Variants in ARID5B observed in about 807,000 individuals in gnomAD.
ARID5B encodes the protein AT-rich interaction domain 5B.
Under a neutral mutation model 97.2 loss-of-function variants are expected in ARID5B, and 13 were observed. That is an observed-to-expected ratio of 0.13 (90% CI 0.09 to 0.21). The LOEUF (loss-of-function observed/expected upper bound fraction) is 0.21. Ranked by LOEUF, ARID5B falls within the 10% of genes least tolerant of loss-of-function variation. The pLI is 1.00. For synonymous variants in ARID5B, 556 were observed against 570.3 expected, an observed-to-expected ratio of 0.97 and a Z score of 0.36; for missense variants, 1,210 against 1,465.3, an observed-to-expected ratio of 0.83 and a Z score of 2.84.
intron 9 of ARID5B, among the ~76,000 whole-genome samples, chr10:62,086,702 A>ACAAC (rs1564648185): frequency 1.6e-4 from 17 of 103,238 alleles, no homozygotes; most frequent in Middle Eastern, 4.9e-3. Flanking sequence ...AAAAAAAAAA[A>ACAAC]AAAAAAAAAA....
rs141836102 is a variant in ARID5B, at chr10:61,955,832, G to A, written c.502+15424G>A. ...CGCCCAGCTAGTTTTTGTATTTTTA[G>A]TAGAGACGGGGTTTCGTCATGCTGG... On this transcript the variant is annotated intron_variant, in intron 3 of 9. Transcript: ENST00000279873. Among the ~76,000 whole-genome samples the A allele has an allele frequency of 9.5e-3, 1,448 of 152,112 alleles. 13 individuals are homozygous for A. The highest frequency in any genetic ancestry group is 0.017 in the Non-Finnish European group (1,134 of 67,978).
Position 62,059,314 on chromosome 10 carries a change from T to G in ARID5B, c.1101+19T>G. The G allele has an allele frequency of 5.6e-6, 9 of 1,606,326 alleles. No homozygotes were observed. Among genetic ancestry groups the G allele is most frequent in the Non-Finnish European group, 7.7e-6 (9 of 1,174,734 alleles). On this transcript the variant is annotated intron_variant, in intron 7 of 9. Transcript: ENST00000279873. ...TGAAACAGTAAGTGTTTAAGCAACT[T>G]AAATGAAATAATTTTGCAATCTAAC...
chr10:62,052,607 C>A (rs190425955), intron 5 of ARID5B, among the ~76,000 whole-genome samples: 1 of 152,196 alleles, frequency 6.6e-6, no homozygotes, highest in East Asian at 1.9e-4. Flanking sequence ...TCTGAAAGAG[C>A]AGACCTCCAA....
In ARID5B at chr10:62,083,021, G is replaced by C. The variant is rs150998377; in HGVS notation, c.1200-2681G>C. 3.1e-3 allele frequency among the ~76,000 whole-genome samples: 471 copies of C among 151,812 alleles called. 3 individuals are homozygous for C. The highest frequency in any genetic ancestry group is 0.011 in the African/African-American group (453 of 41,386). ...TAATTATCTTTCAATGATTTAGAAG[G>C]GGGGGAAAAAACACTCGGTTGACCT... On this transcript the variant is annotated intron_variant, in intron 8 of 9. Coordinates refer to ENST00000279873, the MANE Select transcript of ARID5B (RefSeq NM_032199.3).
chr10:62,076,561 C>CAAAAAAA (rs11363274), intron 8 of ARID5B, among the ~76,000 whole-genome samples: 11 of 92,654 alleles, frequency 1.2e-4, no homozygotes, highest in Non-Finnish European at 2.2e-4. Context: ...GACTCTGTCT[C>CAAAAAAA]AAAAAAAAAA....
intron 2 of ARID5B, among the ~76,000 whole-genome samples, chr10:61,904,371 G>A (rs1317999792): frequency 6.6e-6 from 1 of 152,124 alleles, no homozygotes; most frequent in East Asian, 1.9e-4. Flanking sequence ...ATTAAATGGT[G>A]AATTCTGATT....
At chr10:61,946,526 T>C (rs1443650425) in intron 3 of ARID5B, among the ~76,000 whole-genome samples, 1 of 152,242 alleles carries the variant, frequency 6.6e-6, no homozygotes, top group Non-Finnish European at 1.5e-5. Context: ...AAGTCTACTA[T>C]TTTTCTTAAC....
chr10:61,901,805 C>A, intron 1 of ARID5B, 75 bp downstream of exon 1: 1 of 1,239,940 alleles, frequency 8.1e-7, no homozygotes, highest in East Asian at 2.4e-5. Context: ...ACCCACACCT[C>A]TGCACCCACC....
chr10:61,941,923 T>C (rs1844417585), intron 3 of ARID5B, among the ~76,000 whole-genome samples: 1 of 152,222 alleles, frequency 6.6e-6, no homozygotes, highest in South Asian at 2.1e-4. Flanking sequence ...GAATAATACA[T>C]CTGTTGTGTT....
At chr10:62,076,617 A>G (rs551544582) in intron 8 of ARID5B, among the ~76,000 whole-genome samples, 2 of 152,142 alleles carry the variant, frequency 1.3e-5, no homozygotes, top group African/African-American at 4.8e-5. Context: ...ATTAAAAAAA[A>G]TAAGTTCAAC....
intron 2 of ARID5B, among the ~76,000 whole-genome samples, chr10:61,932,755 A>C (rs996092293): frequency 6.6e-6 from 1 of 151,402 alleles, no homozygotes; most frequent in African/African-American, 2.4e-5. Context: ...ATTGGAGTCA[A>C]CCCTCTCAAA....
intron 7 of ARID5B, among the ~76,000 whole-genome samples, chr10:62,059,666 G>A (rs10995021): frequency 0.43 from 64,963 of 152,036 alleles, 15,415 homozygotes; most frequent in Non-Finnish European, 0.56. Flanking sequence ...TATGGGAAAT[G>A]TATTAAAGGC....
At chr10:61,986,563 G>T (rs901644514) in intron 3 of ARID5B, among the ~76,000 whole-genome samples, 2 of 152,056 alleles carry the variant, frequency 1.3e-5, no homozygotes, top group African/African-American at 4.8e-5. Flanking sequence ...GTGAGGAAGC[G>T]GATGGGAGAG....
intron 4 of ARID5B, among the ~76,000 whole-genome samples, chr10:62,010,768 G>A (rs1839206431): frequency 6.6e-6 from 1 of 152,156 alleles, no homozygotes; most frequent in African/African-American, 2.4e-5. Flanking sequence ...ATCAAGGAGC[G>A]TACTTAAGTC....
chr10:61,958,869 C>T (rs1219885394), intron 3 of ARID5B, among the ~76,000 whole-genome samples: 3 of 152,144 alleles, frequency 2.0e-5, no homozygotes, highest in African/African-American at 7.2e-5. Context: ...CCTAATATTC[C>T]ACCAAAGCTC....
At chr10:61,978,427 T>A (rs1838730785) in intron 3 of ARID5B, among the ~76,000 whole-genome samples, 1 of 152,246 alleles carries the variant, frequency 6.6e-6, no homozygotes, top group African/African-American at 2.4e-5. Flanking sequence ...GAGAATGGCA[T>A]TGAATCTATA....
chr10:62,090,070 A>G (rs1328902292), intron 9 of ARID5B, among the ~76,000 whole-genome samples: 1 of 152,234 alleles, frequency 6.6e-6, no homozygotes, highest in Non-Finnish European at 1.5e-5. Flanking sequence ...GTAGGGTCAC[A>G]TAAGGAGTGT....
intron 3 of ARID5B, among the ~76,000 whole-genome samples, chr10:61,968,508 G>T (rs1258283838): frequency 6.6e-6 from 1 of 151,712 alleles, no homozygotes; most frequent in Non-Finnish European, 1.5e-5. Context: ...TGCAGAATTT[G>T]CATTTCTTTT....
intron 4 of ARID5B, among the ~76,000 whole-genome samples, chr10:62,006,793 G>A (rs979479584): frequency 6.6e-6 from 1 of 152,144 alleles, no homozygotes. Flanking sequence ...ATATGGAATG[G>A]CTAAGATTCG....
Sources: gnomAD v4.1 joint callset for allele counts (sites outside exome capture counted in the v4.1 genomes callset) on GRCh38, gnomAD v4.1.1 for gene constraint, MANE v1.5 for transcripts, NCBI Gene and HGNC (gene_info 2026-07-23, HGNC 2026-07-21) for gene names.